The following CCDC91 variants were observed in gnomAD, a reference collection of about 807,000 sequenced individuals.
CCDC91 encodes coiled-coil domain-containing protein 91.
A neutral mutation model predicts 63.2 loss-of-function variants in CCDC91; 48 were observed. The ratio of observed to expected loss-of-function variants is 0.76; its 90% CI spans 0.60 to 0.97. The LOEUF (loss-of-function observed/expected upper bound fraction) is 0.97. Among genes scored for constraint, CCDC91 ranks in the 50% least tolerant of loss-of-function variants. CCDC91 has a pLI of 0.00. For synonymous variants in CCDC91, 167 were observed against 165.8 expected, an observed-to-expected ratio of 1.01 and a Z score of -0.06; for missense variants, 500 against 494.6, an observed-to-expected ratio of 1.01 and a Z score of -0.10.
In CCDC91 at chr12:28,450,931, C is replaced by G. The variant is rs1354266002; in HGVS notation, c.924+513C>G. 2.6e-5 allele frequency among the ~76,000 whole-genome samples: 4 copies of G among 151,620 alleles called. No homozygotes were observed. In the East Asian group the frequency reaches 7.7e-4, roughly 29 times the overall value. ...ATGCCAGGGTTAAATTCAAGGGTGACTATGATTTTGTCTTTTTCTTAAATA... is the reference window on the plus strand; with the variant it reads ...ATGCCAGGGTTAAATTCAAGGGTGAGTATGATTTTGTCTTTTTCTTAAATA... On this transcript the variant is annotated intron_variant, in intron 10 of 12. Transcript: ENST00000536442.
At chr12:28,292,709 T>G (rs1393856744) in intron 3 of CCDC91, among the ~76,000 whole-genome samples, 2 of 152,146 alleles carry the variant, frequency 1.3e-5, no homozygotes, top group Admixed American at 1.3e-4. Context: ...GATTATCAAA[T>G]TTATAAAAGC....
chr12:28,406,228 A>C (rs1288604148), intron 8 of CCDC91, among the ~76,000 whole-genome samples: 1 of 151,604 alleles, frequency 6.6e-6, no homozygotes, highest in African/African-American at 2.4e-5. Context: ...GCTATTCTTC[A>C]TGGTGGAAAT....
intron 12 of CCDC91, among the ~76,000 whole-genome samples, chr12:28,498,639 C>T (rs1458352414): frequency 6.6e-6 from 1 of 151,622 alleles, no homozygotes; most frequent in Non-Finnish European, 1.5e-5. Flanking sequence ...CCATACCACC[C>T]AGTATAAATT....
At chr12:28,237,147 T>A (rs114118736) in intron 1 of CCDC91, among the ~76,000 whole-genome samples, 2,252 of 152,060 alleles carry the variant, frequency 0.015, 69 homozygotes, top group African/African-American at 0.052. Context: ...TTGATTTTCA[T>A]GCAACTCTAA....
intron 8 of CCDC91, among the ~76,000 whole-genome samples, chr12:28,406,497 G>A (rs1439909601): frequency 1.3e-5 from 2 of 152,098 alleles, no homozygotes; most frequent in Admixed American, 1.3e-4. Flanking sequence ...TGAGTTATGA[G>A]AGTTCTTGAT....
intron 6 of CCDC91, among the ~76,000 whole-genome samples, chr12:28,337,516 C>G (rs1309032596): frequency 6.7e-6 from 1 of 150,294 alleles, no homozygotes; most frequent in Non-Finnish European, 1.5e-5. Context: ...GAAAGTCTGT[C>G]TTGATTCATG....
intron 12 of CCDC91, among the ~76,000 whole-genome samples, chr12:28,521,850 G>A (rs1940706424): frequency 6.6e-6 from 1 of 152,084 alleles, no homozygotes; most frequent in African/African-American, 2.4e-5. Flanking sequence ...TTTGTCATTG[G>A]TTCTGTTCAT....
intron 12 of CCDC91, among the ~76,000 whole-genome samples, chr12:28,506,551 A>T (rs1938737982): frequency 6.6e-6 from 1 of 152,016 alleles, no homozygotes; most frequent in Non-Finnish European, 1.5e-5. Flanking sequence ...CTGGAAGCTA[A>T]AAAGCAACAA....
intron 3 of CCDC91, among the ~76,000 whole-genome samples, chr12:28,267,762 TA>T (rs1947323944): frequency 2.4e-5 from 1 of 42,018 alleles, no homozygotes; most frequent in Non-Finnish European, 5.6e-5. Context: ...TATATAATTA[TA>T]TATAATTATA....
intron 12 of CCDC91, among the ~76,000 whole-genome samples, chr12:28,539,483 A>G (rs1344589674): frequency 6.6e-6 from 1 of 152,196 alleles, no homozygotes; most frequent in Non-Finnish European, 1.5e-5. Flanking sequence ...TTTTGGTACC[A>G]GTACCATGCT....
At chr12:28,280,689 T>G (rs1040778282) in intron 3 of CCDC91, among the ~76,000 whole-genome samples, 1 of 152,032 alleles carries the variant, frequency 6.6e-6, no homozygotes, top group Non-Finnish European at 1.5e-5. Context: ...TATTGAGATA[T>G]ACTGTGCAGC....
chr12:28,277,260 C>T (rs1311264250), intron 3 of CCDC91, among the ~76,000 whole-genome samples: 3 of 151,954 alleles, frequency 2.0e-5, no homozygotes, highest in Non-Finnish European at 4.4e-5. Flanking sequence ...AAGGGAATTT[C>T]TAATACTCAT....
At chr12:28,233,051 T>C (rs562119429) in intron 1 of CCDC91, among the ~76,000 whole-genome samples, 1 of 152,076 alleles carries the variant, frequency 6.6e-6, no homozygotes, top group East Asian at 1.9e-4. Flanking sequence ...ATTTCCTAAG[T>C]CTTTTTTTTC....
At chr12:28,540,533 G>A (rs959558538) in intron 12 of CCDC91, among the ~76,000 whole-genome samples, 40 of 152,128 alleles carry the variant, frequency 2.6e-4, no homozygotes, top group African/African-American at 7.7e-4. Flanking sequence ...AGAAGGCAGC[G>A]TAGTATTGTG....
chr12:28,304,135 T>C (rs573873322), intron 3 of CCDC91, among the ~76,000 whole-genome samples: 13 of 151,696 alleles, frequency 8.6e-5, no homozygotes, highest in African/African-American at 3.1e-4. Flanking sequence ...TCCTAGCACT[T>C]TGGGAGGCCG....
At chr12:28,354,433 T>C (rs1943390846) in intron 6 of CCDC91, among the ~76,000 whole-genome samples, 1 of 152,138 alleles carries the variant, frequency 6.6e-6, no homozygotes, top group African/African-American at 2.4e-5. Flanking sequence ...TAACTAATTG[T>C]ATCTACAAAG....
chr12:28,294,251 A>G lies in CCDC91; in HGVS notation c.110-11398A>G, dbSNP rs1460860284. 2.6e-5 allele frequency among the ~76,000 whole-genome samples: 4 copies of G among 152,252 alleles called. No individual in the cohort carries two copies. The South Asian group carries it at 8.3e-4, about 32-fold the overall frequency. On this transcript the variant is annotated intron_variant, in intron 3 of 12. Coordinates refer to ENST00000536442, the MANE Select transcript of CCDC91 (RefSeq NM_018318.5). ...TCTCTCCGCTTTTTTCATTTCACTT[A>G]ACAGAAATTTGAGCTGTTCTTTTTG...
At chr12:28,209,154 A>G (rs762753514) in intron 1 of CCDC91, among the ~76,000 whole-genome samples, 2 of 152,274 alleles carry the variant, frequency 1.3e-5, no homozygotes, top group South Asian at 2.1e-4. Context: ...GAGAAAGCCA[A>G]ATTTCACCCT....
intron 12 of CCDC91, among the ~76,000 whole-genome samples, chr12:28,501,643 A>G (rs1320084120): frequency 3.3e-5 from 5 of 151,656 alleles, no homozygotes; most frequent in African/African-American, 9.7e-5. Context: ...ATCAATGTTC[A>G]TCAAGGATAT....
Sources: gnomAD v4.1 joint callset for allele counts (sites outside exome capture counted in the v4.1 genomes callset) on GRCh38, gnomAD v4.1.1 for gene constraint, MANE v1.5 for transcripts, NCBI Gene and HGNC (gene_info 2026-07-23, HGNC 2026-07-21) for gene names.